QTMAN: variants seen among roughly 807,000 people sequenced by gnomAD.
The protein encoded by QTMAN is tRNA-queuosine alpha-mannosyltransferase.
chr2:144,180,255 C>T, the QTMAN span, among the ~76,000 whole-genome samples: 1 of 151,856 alleles, frequency 6.6e-6, no homozygotes, highest in Non-Finnish European at 1.5e-5. Context: ...TTAAAAGATA[C>T]GCAATTTGAT....
At chr2:144,209,687 G>C in the QTMAN span, among the ~76,000 whole-genome samples, 1 of 152,072 alleles carries the variant, frequency 6.6e-6, no homozygotes, top group African/African-American at 2.4e-5. Context: ...GAAATAAAAA[G>C]ATATCTATGA....
the QTMAN span, among the ~76,000 whole-genome samples, chr2:143,955,677 A>G: frequency 5.3e-3 from 808 of 152,352 alleles, 7 homozygotes; most frequent in African/African-American, 0.018. Flanking sequence ...GTACTTGGGC[A>G]TTTAGCCAAC....
the QTMAN span, among the ~76,000 whole-genome samples, chr2:144,202,453 C>T: frequency 1.3e-5 from 2 of 152,130 alleles, no homozygotes; most frequent in Non-Finnish European, 1.5e-5. Context: ...CATGAAGACA[C>T]TAAACACTTA....
At chr2:144,313,119 G>A in the QTMAN span, among the ~76,000 whole-genome samples, 1 of 151,998 alleles carries the variant, frequency 6.6e-6, no homozygotes, top group Admixed American at 6.6e-5. Flanking sequence ...CAAATCCTGG[G>A]CTGGAAAAAA....
chr2:144,105,772 C>T, the QTMAN span, among the ~76,000 whole-genome samples: 7 of 152,166 alleles, frequency 4.6e-5, no homozygotes, highest in South Asian at 1.4e-3. Context: ...AGATACTCCT[C>T]GAGAAGAGTA....
At chr2:144,215,039 T>A in the QTMAN span, among the ~76,000 whole-genome samples, 1 of 152,038 alleles carries the variant, frequency 6.6e-6, no homozygotes, top group Non-Finnish European at 1.5e-5. Context: ...ACCAAGGAGT[T>A]TGAAACCAGC....
chr2:144,260,429 ATTT>A, the QTMAN span, among the ~76,000 whole-genome samples: 1 of 152,002 alleles, frequency 6.6e-6, no homozygotes, highest in Non-Finnish European at 1.5e-5. Context: ...AATTTGTTTA[ATTT>A]TTTATCCTTA....
the QTMAN span, among the ~76,000 whole-genome samples, chr2:143,963,149 G>A: frequency 6.6e-6 from 1 of 152,082 alleles, no homozygotes; most frequent in African/African-American, 2.4e-5. Context: ...CCTATACATA[G>A]GGGAAAGTAA....
At chr2:144,284,933 CTTTTT>C in the QTMAN span, among the ~76,000 whole-genome samples, 1 of 128,396 alleles carries the variant, frequency 7.8e-6, no homozygotes, top group East Asian at 2.2e-4. Context: ...GGAGGCCAAA[CTTTTT>C]TTTTTTTTTT....
At chr2:144,228,138 G>C in the QTMAN span, among the ~76,000 whole-genome samples, 3 of 152,146 alleles carry the variant, frequency 2.0e-5, no homozygotes, top group Non-Finnish European at 4.4e-5. Flanking sequence ...TCAGTTACCT[G>C]TGAACTAACT....
chr2:144,307,378 T>C, the QTMAN span, among the ~76,000 whole-genome samples: 1 of 152,102 alleles, frequency 6.6e-6, no homozygotes, highest in East Asian at 1.9e-4. Context: ...AGTGAAAGTC[T>C]GAATGCTTCC....
chr2:144,132,254 T>C, the QTMAN span, among the ~76,000 whole-genome samples: 1 of 151,988 alleles, frequency 6.6e-6, no homozygotes, highest in Non-Finnish European at 1.5e-5. Flanking sequence ...TAAATTTCAT[T>C]ACACCTAATT....
At chr2:144,124,907 T>C in the QTMAN span, among the ~76,000 whole-genome samples, 8 of 152,130 alleles carry the variant, frequency 5.3e-5, no homozygotes, top group African/African-American at 1.9e-4. Context: ...GTCAATGTTC[T>C]TTTCCCCTAA....
At chr2:144,237,896 C>G in the QTMAN span, among the ~76,000 whole-genome samples, 9 of 152,220 alleles carry the variant, frequency 5.9e-5, no homozygotes, top group African/African-American at 2.2e-4. Context: ...TGAGGACACT[C>G]AAGCCATCCT....
the QTMAN span, among the ~76,000 whole-genome samples, chr2:144,066,711 G>A: frequency 6.6e-6 from 1 of 152,228 alleles, no homozygotes; most frequent in Non-Finnish European, 1.5e-5. Flanking sequence ...AGCTACTTGG[G>A]AGGCTGAGGC....
the QTMAN span, among the ~76,000 whole-genome samples, chr2:144,221,431 T>G: frequency 6.6e-6 from 1 of 152,232 alleles, no homozygotes; most frequent in Non-Finnish European, 1.5e-5. Flanking sequence ...TTTACACTAT[T>G]GCATGACTGC....
At chr2:144,162,830 A>C in the QTMAN span, among the ~76,000 whole-genome samples, 1 of 152,156 alleles carries the variant, frequency 6.6e-6, no homozygotes, top group Admixed American at 6.5e-5. Flanking sequence ...CTATCAGCTG[A>C]CTCAGGTAAG....
the QTMAN span, among the ~76,000 whole-genome samples, chr2:144,260,720 C>A: frequency 2.6e-5 from 4 of 151,614 alleles, no homozygotes; most frequent in Non-Finnish European, 5.9e-5. Context: ...TAATTATAAA[C>A]CATACATGAA....
the QTMAN span, chr2:143,946,236 A>G: frequency 6.6e-6 from 1 of 152,338 alleles, no homozygotes; most frequent in Non-Finnish European, 1.5e-5. Context: ...TACGCTGGGA[A>G]AAAAATTAAA....
Sources: allele counts gnomAD v4.1 joint callset (sites outside exome capture counted in the v4.1 genomes callset), GRCh38; gene constraint gnomAD v4.1.1; transcripts MANE v1.5; gene names NCBI Gene and HGNC (gene_info 2026-07-23, HGNC 2026-07-21).